ZBTB20: variants seen among roughly 807,000 people sequenced by gnomAD.
ZBTB20 encodes zinc finger and BTB domain containing 20, also known as zinc finger and BTB domain-containing protein 20.
In ZBTB20, 9 loss-of-function variants were observed where a neutral mutation model predicts 56.9. The ratio of observed to expected loss-of-function variants is 0.16; its 90% CI spans 0.10 to 0.28. The LOEUF is 0.28. ZBTB20 is among the 10% of genes least tolerant of loss of function. The pLI, the probability that ZBTB20 is intolerant of heterozygous loss-of-function variation, is 1.00. For missense variants in ZBTB20, 655 were observed against 1,003.0 expected, an observed-to-expected ratio of 0.65 and a Z score of 4.69; for synonymous variants, 417 against 420.7, an observed-to-expected ratio of 0.99 and a Z score of 0.11.
At chr3:114,415,870 A>G (rs1019911513) in intron 7 of ZBTB20, among the ~76,000 whole-genome samples, 6 of 152,102 alleles carry the variant, frequency 3.9e-5, no homozygotes, top group Non-Finnish European at 7.4e-5. Context: ...GAATCACCTG[A>G]AAGTGTTCTT....
intron 1 of ZBTB20, among the ~76,000 whole-genome samples, chr3:115,093,461 T>C (rs1484569809): frequency 6.6e-6 from 1 of 152,160 alleles, no homozygotes; most frequent in Non-Finnish European, 1.5e-5. Flanking sequence ...AAAATTACTA[T>C]ACAAAAAATG....
intron 7 of ZBTB20, among the ~76,000 whole-genome samples, chr3:114,408,719 AC>A (rs1459333341): frequency 6.7e-6 from 1 of 149,732 alleles, no homozygotes; most frequent in East Asian, 2.0e-4. Flanking sequence ...AGCACATTCC[AC>A]CCCCACCCCC....
chr3:114,485,467 C>G (rs1036898243), intron 7 of ZBTB20, among the ~76,000 whole-genome samples: 1 of 152,180 alleles, frequency 6.6e-6, no homozygotes, highest in Non-Finnish European at 1.5e-5. Flanking sequence ...TGTCTCCTCT[C>G]TGAAGAACAT....
intron 11 of ZBTB20, among the ~76,000 whole-genome samples, chr3:114,343,723 C>A (rs1485321832): frequency 6.6e-6 from 1 of 152,202 alleles, no homozygotes; most frequent in Non-Finnish European, 1.5e-5. Flanking sequence ...GCTGCAGAGT[C>A]TAGTCTCCGT....
At chr3:114,796,624 T>C (rs965477147) in intron 5 of ZBTB20, among the ~76,000 whole-genome samples, 2 of 151,744 alleles carry the variant, frequency 1.3e-5, no homozygotes, top group Non-Finnish European at 2.9e-5. Context: ...AGAAAGAGAA[T>C]AAATGAGACT....
At chr3:114,646,856 C>T (rs1470227177) in intron 6 of ZBTB20, among the ~76,000 whole-genome samples, 2 of 152,036 alleles carry the variant, frequency 1.3e-5, no homozygotes, top group Non-Finnish European at 2.9e-5. Flanking sequence ...TTAAGAGTTA[C>T]CTTTTGAAGG....
chr3:114,889,034 GT>G (rs1418838916), intron 4 of ZBTB20, among the ~76,000 whole-genome samples: 1 of 151,750 alleles, frequency 6.6e-6, no homozygotes, highest in Non-Finnish European at 1.5e-5. Context: ...AGTGTAAAAA[GT>G]TTAAATACTT....
At chr3:114,762,752 T>C (rs895494692) in intron 5 of ZBTB20, among the ~76,000 whole-genome samples, 18 of 152,314 alleles carry the variant, frequency 1.2e-4, no homozygotes, top group Non-Finnish European at 2.2e-4. Flanking sequence ...ATTTCTCAAA[T>C]GAAAATCCTA....
chr3:115,079,337 A>G (rs921274139), intron 1 of ZBTB20, among the ~76,000 whole-genome samples: 1 of 152,114 alleles, frequency 6.6e-6, no homozygotes, highest in Non-Finnish European at 1.5e-5. Flanking sequence ...TAGCTACAAA[A>G]TATCATAATC....
intron 7 of ZBTB20, among the ~76,000 whole-genome samples, chr3:114,443,700 CA>C (rs1234502844): frequency 1.2e-4 from 19 of 152,062 alleles, no homozygotes; most frequent in Non-Finnish European, 1.0e-4. Context: ...GAATCAGAGG[CA>C]GGGGAATATT....
intron 2 of ZBTB20, among the ~76,000 whole-genome samples, chr3:115,014,912 C>T (rs2079881299): frequency 6.6e-6 from 1 of 151,790 alleles, no homozygotes; most frequent in African/African-American, 2.4e-5. Flanking sequence ...CATTGCCTCA[C>T]CCATAAACTT....
At chr3:114,515,157 G>C (rs1470065544) in intron 6 of ZBTB20, among the ~76,000 whole-genome samples, 2 of 152,076 alleles carry the variant, frequency 1.3e-5, no homozygotes, top group African/African-American at 4.8e-5. Flanking sequence ...TTGTAAGGCC[G>C]GGCTCCTTAC....
chr3:115,019,970 A>G (rs2080137345), intron 2 of ZBTB20, among the ~76,000 whole-genome samples: 1 of 151,304 alleles, frequency 6.6e-6, no homozygotes, highest in South Asian at 2.1e-4. Context: ...CAGGAGATAA[A>G]TGCAGAACAG....
intron 6 of ZBTB20, among the ~76,000 whole-genome samples, chr3:114,640,229 T>C (rs2059487476): frequency 6.6e-6 from 1 of 151,998 alleles, no homozygotes; most frequent in Non-Finnish European, 1.5e-5. Flanking sequence ...CTGTGAATAG[T>C]CTAAATTTGC....
intron 6 of ZBTB20, among the ~76,000 whole-genome samples, chr3:114,666,385 G>C (rs1214939543): frequency 6.6e-6 from 1 of 151,972 alleles, no homozygotes; most frequent in African/African-American, 2.4e-5. Flanking sequence ...TAAAAAATCT[G>C]TTAGACTTTC....
At chr3:115,041,241 A>T (rs1013235576) in intron 2 of ZBTB20, among the ~76,000 whole-genome samples, 1 of 152,166 alleles carries the variant, frequency 6.6e-6, no homozygotes, top group African/African-American at 2.4e-5. Flanking sequence ...TATATTCACC[A>T]TCTGTCCTCT....
rs143746630 is a variant in ZBTB20, at chr3:115,000,438, A to T, written c.-506-26022T>A. ...TTTAAAATAAAGGATTTAAAGTAAC[A>T]GTTTCCTGTTAGTTTTGTGGACTGT... On this transcript the variant is annotated intron_variant, in intron 2 of 11. Transcript: ENST00000675478. Among the ~76,000 whole-genome samples, 103 of 151,748 alleles carry T rather than the reference A, an allele frequency of 6.8e-4. No individual in the cohort carries two copies. The East Asian group carries it at 0.019, about 28-fold the overall frequency.
At chr3:114,901,171 G>C (rs930784201) in intron 3 of ZBTB20, among the ~76,000 whole-genome samples, 3 of 152,018 alleles carry the variant, frequency 2.0e-5, no homozygotes, top group Non-Finnish European at 2.9e-5. Context: ...ATGGGAGGCT[G>C]AGGTGGGCTG....
rs571332499 is a variant in ZBTB20, at chr3:114,806,814, A to G, written c.-416-5640T>C. 3.9e-5 allele frequency among the ~76,000 whole-genome samples: 6 copies of G among 152,144 alleles called. No individual in the cohort carries two copies. In the South Asian group the frequency reaches 1.2e-3, roughly 32 times the overall value. ...TTTTTACAGTCCTAGGTTCGTGAAT[A>G]TTCATTTATATCGCATATAATCCTA... On this transcript the variant is annotated intron_variant, in intron 4 of 11. Coordinates refer to ENST00000675478, the MANE Select transcript of ZBTB20 (RefSeq NM_001348800.3).
Sources: allele counts gnomAD v4.1 joint callset (sites outside exome capture counted in the v4.1 genomes callset), GRCh38; gene constraint gnomAD v4.1.1; transcripts MANE v1.5; gene names NCBI Gene and HGNC (gene_info 2026-07-23, HGNC 2026-07-21).